KAZN: variants seen among roughly 807,000 people sequenced by gnomAD.
KAZN encodes the protein kazrin, periplakin interacting protein, also known as kazrin.
Under a neutral mutation model 87.4 loss-of-function variants are expected in KAZN, and 40 were observed. That is an observed-to-expected ratio of 0.46 (90% CI 0.36 to 0.60). The LOEUF is 0.60. Among genes scored for constraint, KAZN ranks in the 20% least tolerant of loss-of-function variants. The pLI is 0.00. For synonymous variants in KAZN, 466 were observed against 458.3 expected (o/e 1.02, Z -0.22); for missense variants, 898 against 1,073.9 (o/e 0.84, Z 2.29).
chr1:14,740,551 CAA>C (rs1003571872), intron 1 of KAZN, among the ~76,000 whole-genome samples: 1 of 152,050 alleles, frequency 6.6e-6, no homozygotes, highest in East Asian at 1.9e-4. Context: ...TCCGCCCCCC[CAA>C]AAAAATGAAT....
chr1:14,947,157 C>T (rs145252723), intron 1 of KAZN, among the ~76,000 whole-genome samples: 3 of 152,326 alleles, frequency 2.0e-5, no homozygotes, highest in South Asian at 2.1e-4. Context: ...TGCTTCCTCC[C>T]GATCTGCAGT....
intron 1 of KAZN, among the ~76,000 whole-genome samples, chr1:14,853,176 G>T (rs546405901): frequency 1.2e-4 from 18 of 152,274 alleles, no homozygotes; most frequent in African/African-American, 4.1e-4. Flanking sequence ...AGCAGACTAG[G>T]TCCCTCCCCC....
At chr1:14,371,619 T>A (rs1390842322) in intron 2 of KAZN, among the ~76,000 whole-genome samples, 1 of 151,906 alleles carries the variant, frequency 6.6e-6, no homozygotes, top group Non-Finnish European at 1.5e-5. Flanking sequence ...TAAAAAAAAA[T>A]AAAAGTTCCA....
intron 2 of KAZN, among the ~76,000 whole-genome samples, chr1:14,536,129 G>A (rs1043283652): frequency 2.0e-5 from 3 of 152,192 alleles, no homozygotes; most frequent in African/African-American, 7.2e-5. Context: ...AACCCAATCC[G>A]GGCATGAGTC....
At chr1:14,765,429 C>T (rs1485633045) in intron 1 of KAZN, among the ~76,000 whole-genome samples, 1 of 152,230 alleles carries the variant, frequency 6.6e-6, no homozygotes, top group Non-Finnish European at 1.5e-5. Flanking sequence ...AGGTATAGCC[C>T]AGTCTGGGGT....
At chr1:14,799,292 A>G (rs914749132) in intron 1 of KAZN, among the ~76,000 whole-genome samples, 2 of 152,232 alleles carry the variant, frequency 1.3e-5, no homozygotes, top group Admixed American at 6.5e-5. Context: ...GGTAAACTCC[A>G]TCAACTGAAT....
intron 1 of KAZN, among the ~76,000 whole-genome samples, chr1:14,060,295 G>A (rs1377399811): frequency 6.6e-6 from 1 of 151,138 alleles, no homozygotes; most frequent in Non-Finnish European, 1.5e-5. Context: ...ACCGGGAGGC[G>A]GAGCTTACAG....
chr1:14,495,281 A>G (rs1669877335), intron 2 of KAZN, among the ~76,000 whole-genome samples: 1 of 152,118 alleles, frequency 6.6e-6, no homozygotes, highest in African/African-American at 2.4e-5. Flanking sequence ...TTAAAAGAAA[A>G]CCATAAAGAA....
intron 2 of KAZN, among the ~76,000 whole-genome samples, chr1:14,227,393 G>C (rs1266804845): frequency 6.6e-6 from 1 of 152,158 alleles, no homozygotes; most frequent in Non-Finnish European, 1.5e-5. Flanking sequence ...ACCTGGAAGA[G>C]TTAAAGCTGA....
intron 2 of KAZN, among the ~76,000 whole-genome samples, chr1:14,222,603 T>C (rs868124860): frequency 6.6e-6 from 1 of 152,226 alleles, no homozygotes; most frequent in Non-Finnish European, 1.5e-5. Context: ...TGAGACCCCA[T>C]TGGGCTGTAG....
chr1:14,894,511 G>A (rs1031100222), intron 1 of KAZN, among the ~76,000 whole-genome samples: 7 of 152,330 alleles, frequency 4.6e-5, no homozygotes, highest in Middle Eastern at 3.4e-3. Flanking sequence ...CTCATGGCAC[G>A]TGACACTTGC....
intron 1 of KAZN, among the ~76,000 whole-genome samples, chr1:14,655,841 C>T (rs539858841): frequency 3.3e-5 from 5 of 152,200 alleles, no homozygotes; most frequent in South Asian, 2.1e-4. Flanking sequence ...CAGGTTCAAG[C>T]GGCCAAAGAA....
intron 1 of KAZN, among the ~76,000 whole-genome samples, chr1:13,998,832 T>C (rs1236564984): frequency 2.0e-5 from 3 of 152,144 alleles, no homozygotes; most frequent in African/African-American, 4.8e-5. Context: ...ACAAGGATAT[T>C]CGGGACTTGA....
At chr1:14,687,127 A>G (rs555360978) in intron 1 of KAZN, among the ~76,000 whole-genome samples, 1 of 152,320 alleles carries the variant, frequency 6.6e-6, no homozygotes, top group Admixed American at 6.5e-5. Flanking sequence ...CCAGCATTCA[A>G]GGTACCCTCC....
chr1:14,005,183 G>A (rs1454686400), intron 1 of KAZN, among the ~76,000 whole-genome samples: 1 of 152,204 alleles, frequency 6.6e-6, no homozygotes, highest in African/African-American at 2.4e-5. Flanking sequence ...AATAATTACT[G>A]CAGAGTAGAG....
intron 2 of KAZN, among the ~76,000 whole-genome samples, chr1:14,566,466 A>C (rs1674556309): frequency 6.6e-6 from 1 of 152,248 alleles, no homozygotes; most frequent in Admixed American, 6.5e-5. Context: ...GGAAATGAGC[A>C]TTGACTTCAA....
At chr1:14,457,145 A>C (rs2148342197) in intron 2 of KAZN, among the ~76,000 whole-genome samples, 1 of 152,330 alleles carries the variant, frequency 6.6e-6, no homozygotes, top group Admixed American at 6.5e-5. Context: ...TGGCTGTCCA[A>C]GGCTTCCACA....
At chr1:14,319,778 A>G (rs1277669841) in intron 2 of KAZN, among the ~76,000 whole-genome samples, 5 of 152,178 alleles carry the variant, frequency 3.3e-5, no homozygotes, top group Non-Finnish European at 7.3e-5. Flanking sequence ...GTTGTTTTAT[A>G]TATTTCATCC....
chr1:14,428,299 G>A (rs2101362325), intron 2 of KAZN, among the ~76,000 whole-genome samples: 1 of 152,252 alleles, frequency 6.6e-6, no homozygotes, highest in African/African-American at 2.4e-5. Context: ...TGGTGACCTG[G>A]ATGATTATAG....
Sources: gnomAD v4.1 joint callset for allele counts (sites outside exome capture counted in the v4.1 genomes callset) on GRCh38, gnomAD v4.1.1 for gene constraint, MANE v1.5 for transcripts, NCBI Gene and HGNC (gene_info 2026-07-23, HGNC 2026-07-21) for gene names.